MYO18B: variants seen among roughly 807,000 people sequenced by gnomAD.
MYO18B encodes the protein unconventional myosin-XVIIIb.
A neutral mutation model predicts 273.0 loss-of-function variants in MYO18B; 204 were observed. The observed-to-expected ratio is 0.75, with a 90% CI of 0.67 to 0.84. The LOEUF (loss-of-function observed/expected upper bound fraction) is 0.84. MYO18B is among the 40% of genes least tolerant of loss of function. The pLI is 0.00. For missense variants in MYO18B, 3,212 were observed against 3,287.6 expected, an observed-to-expected ratio of 0.98 and a Z score of 0.56; for synonymous variants, 1,330 against 1,305.7, an observed-to-expected ratio of 1.02 and a Z score of -0.40.
intron 12 of MYO18B, among the ~76,000 whole-genome samples, chr22:25,804,368 T>G (rs2145794474): frequency 6.6e-6 from 1 of 152,268 alleles, no homozygotes; most frequent in Admixed American, 6.5e-5. Context: ...CCAAGCAGTC[T>G]CTGTGCTGAG....
downstream of MYO18B, among the ~76,000 whole-genome samples, chr22:26,035,646 A>C (rs778452530): frequency 3.3e-5 from 5 of 152,270 alleles, no homozygotes; most frequent in Non-Finnish European, 5.9e-5. Context: ...CTCACCACAC[A>C]GAAAGCCAAT....
Position 25,911,000 on chromosome 22 carries a change from C to T in MYO18B, c.5314C>T (p.Leu1772Phe). The change falls in exon 33 of 44, where the codon CTC (leucine) becomes TTC (phenylalanine). Residue 1772 changes from leucine to phenylalanine, a missense_variant. Transcript: ENST00000335473. Reference sequence around the variant, plus strand: ...AGAGTATGAAGAGAAGCAGATGGTCCTCCATGAGAAGCAAGATTTGGAAGG... The same window carrying T: ...AGAGTATGAAGAGAAGCAGATGGTCTTCCATGAGAAGCAAGATTTGGAAGG... ...EQEYEEKQMV[L>F]HEKQDLEGLI... is the part of the protein sequence containing the mutation. The T allele has an allele frequency of 1.2e-6, 2 of 1,606,156 alleles. No individual in the cohort carries two copies. Among genetic ancestry groups the T allele is most frequent in the South Asian group, 1.1e-5 (1 of 88,662 alleles).
In MYO18B at chr22:25,948,503, C is replaced by T. The variant is rs71321071; in HGVS notation, c.5748+675C>T. ...CTTTCTTTCTCTTTCTTTCTTTCCT[C>T]TCTTTTCTCTTTCCTTCTTTCTTTC... is the stretch of plus-strand genomic sequence containing the variant. On this transcript the variant is annotated intron_variant, in intron 36 of 43. Coordinates refer to ENST00000335473, the MANE Select transcript of MYO18B (RefSeq NM_032608.7). Among the ~76,000 whole-genome samples, 78 of 85,484 alleles carry T rather than the reference C, an allele frequency of 9.1e-4. 1 individual carries two copies. Among genetic ancestry groups the T allele is most frequent in the African/African-American group, 3.1e-3 (70 of 22,602 alleles). 56.1% of individuals were successfully genotyped at this position (85,484 alleles called of 152,430 possible). A position where few individuals can be genotyped will look rare whatever the true frequency, so the allele number is the denominator to read the frequency against.
intron 39 of MYO18B, among the ~76,000 whole-genome samples, chr22:25,972,659 T>C (rs1157193932): frequency 6.6e-6 from 1 of 152,104 alleles, no homozygotes; most frequent in Non-Finnish European, 1.5e-5. Flanking sequence ...TGAGAGAGGT[T>C]AGAGACGAGA....
At chr22:26,060,180 T>C in the MYO18B span, among the ~76,000 whole-genome samples, 1 of 152,200 alleles carries the variant, frequency 6.6e-6, no homozygotes, top group Non-Finnish European at 1.5e-5. Flanking sequence ...CACTCCTTGT[T>C]TTTATATAGT....
At chr22:25,935,651 T>C (rs2092568016) in intron 34 of MYO18B, among the ~76,000 whole-genome samples, 1 of 152,124 alleles carries the variant, frequency 6.6e-6, no homozygotes, top group South Asian at 2.1e-4. Context: ...ATAATTGGGC[T>C]TCCCTTGTTT....
Position 25,946,139 on chromosome 22 carries a change from G to A in MYO18B, c.5520G>A (p.Leu1840=), listed in dbSNP as rs1024156935. Reference sequence around the variant, plus strand: ...TCTCCACCTCTTGCCTGGTCCAGCTGGAGCAGAGTGAAGCCAAGTGTGAGG... The same window carrying A: ...TCTCCACCTCTTGCCTGGTCCAGCTAGAGCAGAGTGAAGCCAAGTGTGAGG... ...KEELEKVHSQ[L]EQSEAKCEEA... is the part of the protein sequence containing the mutation. Residue 1840 remains leucine, a splice_region_variant and synonymous_variant, in exon 35 of 44, where the codon CTG becomes CTA. Transcript: ENST00000335473. 3 of 1,537,628 alleles carry A rather than the reference G, an allele frequency of 2.0e-6. No individual in the cohort carries two copies. The highest frequency in any genetic ancestry group is 2.6e-6 in the Non-Finnish European group (3 of 1,146,074).
At chr22:25,829,444 A>G (rs1396798185) in intron 15 of MYO18B, among the ~76,000 whole-genome samples, 1 of 151,766 alleles carries the variant, frequency 6.6e-6, no homozygotes, top group African/African-American at 2.4e-5. Flanking sequence ...TTCCTCTTCT[A>G]GGAGGCACCT....
chr22:25,753,450 A>G (rs5996969), intron 1 of MYO18B, among the ~76,000 whole-genome samples: 4,637 of 152,262 alleles, frequency 0.03, 259 homozygotes, highest in African/African-American at 0.1. Flanking sequence ...AAATGGTCCA[A>G]TCGGCAGGAT....
At chr22:25,948,874 T>C (rs1377270117) in intron 36 of MYO18B, among the ~76,000 whole-genome samples, 1 of 151,966 alleles carries the variant, frequency 6.6e-6, no homozygotes, top group Non-Finnish European at 1.5e-5. Context: ...AGAGTAGGTG[T>C]CATTTGGATG....
intron 39 of MYO18B, among the ~76,000 whole-genome samples, chr22:25,968,538 T>G (rs2093003537): frequency 6.6e-6 from 1 of 152,054 alleles, no homozygotes; most frequent in South Asian, 2.1e-4. Flanking sequence ...GCTTGACTTT[T>G]TCCTCCTCCT....
intron 7 of MYO18B, among the ~76,000 whole-genome samples, chr22:25,777,059 G>C (rs994409310): frequency 6.6e-6 from 1 of 152,164 alleles, no homozygotes; most frequent in African/African-American, 2.4e-5. Context: ...CTGCATAGTA[G>C]ACACTCAATG....
At chr22:25,932,812 G>A (rs1405626484) in intron 34 of MYO18B, among the ~76,000 whole-genome samples, 1 of 148,582 alleles carries the variant, frequency 6.7e-6, no homozygotes, top group Non-Finnish European at 1.5e-5. Context: ...TTTTATTATA[G>A]CTGGTGAGCA....
chr22:25,923,093 A>G (rs950341790), intron 34 of MYO18B, among the ~76,000 whole-genome samples: 3 of 152,208 alleles, frequency 2.0e-5, no homozygotes, highest in Non-Finnish European at 2.9e-5. Context: ...CTGGACAGGT[A>G]TCCTATGGCA....
intron 17 of MYO18B, among the ~76,000 whole-genome samples, chr22:25,838,559 G>T (rs915838126): frequency 6.6e-6 from 1 of 152,202 alleles, no homozygotes; most frequent in African/African-American, 2.4e-5. Flanking sequence ...TGATAATACC[G>T]TATTTTTACT....
chr22:26,041,272 T>C, the MYO18B span, among the ~76,000 whole-genome samples: 1 of 144,606 alleles, frequency 6.9e-6, no homozygotes, highest in African/African-American at 2.6e-5. Context: ...CCCAGTACTT[T>C]GGGAGGCTAA....
chr22:26,052,483 C>T, the MYO18B span, among the ~76,000 whole-genome samples: 1 of 152,200 alleles, frequency 6.6e-6, no homozygotes, highest in Non-Finnish European at 1.5e-5. Flanking sequence ...TCCCTCCCTT[C>T]CCCTACTAAG....
chr22:25,790,131 C>T (rs552735538), intron 11 of MYO18B, among the ~76,000 whole-genome samples: 13 of 149,926 alleles, frequency 8.7e-5, no homozygotes, highest in African/African-American at 3.2e-4. Flanking sequence ...CCAGCCTGGG[C>T]GACAGCGTGA....
intron 21 of MYO18B, among the ~76,000 whole-genome samples, chr22:25,855,048 A>G (rs1381571276): frequency 6.6e-6 from 1 of 152,050 alleles, no homozygotes; most frequent in Non-Finnish European, 1.5e-5. Flanking sequence ...CCAGGTATTA[A>G]GCCTAGTACC....
Sources: allele counts gnomAD v4.1 joint callset (sites outside exome capture counted in the v4.1 genomes callset), GRCh38; gene constraint gnomAD v4.1.1; transcripts MANE v1.5; gene names NCBI Gene and HGNC (gene_info 2026-07-23, HGNC 2026-07-21).